KALRN: variants seen among roughly 807,000 people sequenced by gnomAD.
KALRN encodes the protein kalirin RhoGEF kinase.
A neutral mutation model predicts 353.7 loss-of-function variants in KALRN; 70 were observed. The observed-to-expected ratio is 0.20, with a 90% CI of 0.16 to 0.24. The LOEUF (loss-of-function observed/expected upper bound fraction) is 0.24. KALRN is among the 10% of genes least tolerant of loss of function. The pLI, the probability that KALRN is intolerant of heterozygous loss-of-function variation, is 1.00. For synonymous variants in KALRN, 1,391 were observed against 1,434.8 expected (o/e 0.97, Z 0.69); for missense variants, 2,791 against 3,756.7 (o/e 0.74, Z 6.72).
At chr3:124,426,844 A>G (rs540795896) in intron 15 of KALRN, among the ~76,000 whole-genome samples, 16 of 152,368 alleles carry the variant, frequency 1.1e-4, no homozygotes, top group African/African-American at 3.8e-4. Flanking sequence ...GAAAGATTTG[A>G]AAGACCTACC....
chr3:124,234,696 A>C (rs961916204), intron 2 of KALRN, 133 bp from the exon 3 acceptor site: 2 of 679,412 alleles, frequency 2.9e-6, no homozygotes, highest in Non-Finnish European at 5.1e-6. Flanking sequence ...ACCTTGTCCT[A>C]AGCAGTGACC....
chr3:124,164,254 A>G (rs1382787162), intron 1 of KALRN: 1 of 152,444 alleles, frequency 6.6e-6, no homozygotes, highest in Non-Finnish European at 1.5e-5. Flanking sequence ...AGGTGGCAGT[A>G]TAAATGCAGA....
intron 3 of KALRN, among the ~76,000 whole-genome samples, chr3:124,244,689 A>C (rs2080902122): frequency 6.6e-6 from 1 of 152,164 alleles, no homozygotes; most frequent in Non-Finnish European, 1.5e-5. Flanking sequence ...TATTTAATTA[A>C]CCATATCACT....
At chr3:124,181,099 A>AAAAAAAAAAAAAAAAAT (rs1486531431) in intron 1 of KALRN, among the ~76,000 whole-genome samples, 1 of 150,118 alleles carries the variant, frequency 6.7e-6, no homozygotes. Context: ...AAAAAAAAAA[A>AAAAAAAAAAAAAAAAAT]AATTAGCCAG....
intron 25 of KALRN, among the ~76,000 whole-genome samples, chr3:124,471,200 G>A (rs2060853675): frequency 6.6e-6 from 1 of 151,710 alleles, no homozygotes; most frequent in South Asian, 2.1e-4. Context: ...CAGGCACTGG[G>A]TTGGGTTCTT....
chr3:124,637,131 C>A, intron 36 of KALRN, 77 bp from the exon 37 acceptor site: 1 of 1,224,510 alleles, frequency 8.2e-7, no homozygotes, highest in Non-Finnish European at 1.2e-6. Context: ...GAGCTTTGGA[C>A]TTTCTGTTTT....
rs191332840 is a variant in KALRN at position 124,186,034 on chromosome 3, T to C, written c.74-41956T>C. 4.2e-3 allele frequency among the ~76,000 whole-genome samples: 634 copies of C among 152,294 alleles called. 14 individuals are homozygous for C. The highest frequency in any genetic ancestry group is 9.0e-4 in the Non-Finnish European group (61 of 68,010). ...AGGCATTGTTAGAGTCACACTTTCA[T>C]GGTGAGCTGGAATCAGGTTACCTGG... On this transcript the variant is annotated intron_variant, in intron 1 of 59. Coordinates refer to ENST00000682506, the MANE Select transcript of KALRN (RefSeq NM_001388419.1).
intron 15 of KALRN, 71 bp downstream of exon 15, chr3:124,423,049 G>T (rs2092852049): frequency 6.6e-7 from 1 of 1,517,402 alleles, no homozygotes; most frequent in Non-Finnish European, 9.0e-7. Flanking sequence ...CCTGCTCCTG[G>T]TATGAGGTAA....
intron 1 of KALRN, among the ~76,000 whole-genome samples, chr3:124,064,121 G>C (rs1240965614): frequency 6.6e-6 from 1 of 152,096 alleles, no homozygotes; most frequent in African/African-American, 2.4e-5. Context: ...AGATGGCTTT[G>C]GCCTCAAAGA....
At chr3:124,530,580 AT>A (rs1358604847) in intron 33 of KALRN, among the ~76,000 whole-genome samples, 2 of 151,976 alleles carry the variant, frequency 1.3e-5, no homozygotes, top group Non-Finnish European at 2.9e-5. Flanking sequence ...TTTTGTAGAG[AT>A]GGGGTCTCAC....
rs1418820184 is a variant in KALRN at position 124,354,900 on chromosome 3, G to T, written c.1770+7635G>T. ...GTAGAACCTTATGCAGAAACAAAAT[G>T]AAGATAAGAGGAACACAGAAATGAG... On this transcript the variant is annotated intron_variant, in intron 10 of 59. Transcript: ENST00000682506. Among the ~76,000 whole-genome samples the T allele has an allele frequency of 2.6e-5, 4 of 152,288 alleles. No homozygotes were observed. The East Asian group carries it at 7.7e-4, about 29-fold the overall frequency.
At chr3:124,315,786 C>T (rs1332484251) in intron 6 of KALRN, among the ~76,000 whole-genome samples, 1 of 152,124 alleles carries the variant, frequency 6.6e-6, no homozygotes, top group African/African-American at 2.4e-5. Flanking sequence ...TTGTGGTCTC[C>T]TGGAGTTGAA....
chr3:124,589,986 A>C (rs2075613762), intron 34 of KALRN, among the ~76,000 whole-genome samples: 2 of 151,974 alleles, frequency 1.3e-5, no homozygotes, highest in Non-Finnish European at 2.9e-5. Context: ...TTTGCCTCCC[A>C]GGGATGTACT....
At chr3:124,469,756 G>A (rs1035347039) in intron 25 of KALRN, among the ~76,000 whole-genome samples, 10 of 151,994 alleles carry the variant, frequency 6.6e-5, no homozygotes, top group African/African-American at 1.5e-4. Flanking sequence ...CACCTCTGGC[G>A]TTCCAACAAG....
chr3:124,671,585 C>A, intron 47 of KALRN, 75 bp from the exon 48 acceptor site: 1 of 999,184 alleles, frequency 1.0e-6, no homozygotes, highest in Non-Finnish European at 1.6e-6. Context: ...TAACACAAAG[C>A]CTTGGACCTA....
At chr3:124,635,902 T>TC in intron 36 of KALRN, among the ~76,000 whole-genome samples, 1 of 152,154 alleles carries the variant, frequency 6.6e-6, no homozygotes, top group Non-Finnish European at 1.5e-5. Flanking sequence ...ACAGGGTGTT[T>TC]CCATTGTTTG....
intron 1 of KALRN, among the ~76,000 whole-genome samples, chr3:124,181,003 A>C (rs2073493386): frequency 6.7e-6 from 1 of 148,872 alleles, no homozygotes; most frequent in Non-Finnish European, 1.5e-5. Context: ...GGCTGAGGTG[A>C]GCAGATCACT....
At chr3:124,686,101 C>T (rs976870574) in intron 51 of KALRN, among the ~76,000 whole-genome samples, 2 of 152,210 alleles carry the variant, frequency 1.3e-5, no homozygotes, top group African/African-American at 4.8e-5. Flanking sequence ...AAGAAGGAGG[C>T]AGGTATAAAT....
intron 11 of KALRN, among the ~76,000 whole-genome samples, chr3:124,385,287 T>C (rs1235130211): frequency 2.0e-5 from 3 of 152,154 alleles, no homozygotes; most frequent in Non-Finnish European, 4.4e-5. Context: ...GGGCATCTGC[T>C]AGAGCATGCA....
Sources: allele counts gnomAD v4.1 joint callset (sites outside exome capture counted in the v4.1 genomes callset), GRCh38; gene constraint gnomAD v4.1.1; transcripts MANE v1.5; gene names NCBI Gene and HGNC (gene_info 2026-07-23, HGNC 2026-07-21).